The following FAM227A variants were observed in gnomAD, a reference collection of about 807,000 sequenced individuals.
The protein encoded by FAM227A is family with sequence similarity 227 member A.
Under a neutral mutation model 74.7 loss-of-function variants are expected in FAM227A, and 80 were observed. That is an observed-to-expected ratio of 1.07 (90% CI 0.89 to 1.29). The LOEUF (loss-of-function observed/expected upper bound fraction) is 1.29, where lower values mean the gene tolerates loss of function less well. Ranked by LOEUF, FAM227A falls within the 50% of genes most tolerant of loss-of-function variation. FAM227A has a pLI of 0.00. For missense variants in FAM227A, 654 were observed against 683.4 expected (o/e 0.96, Z 0.48); for synonymous variants, 237 against 241.8 (o/e 0.98, Z 0.19).
rs953719987 is a variant in FAM227A at position 38,621,324 on chromosome 22, T to C, written c.959-1033A>G. On this transcript the variant is annotated intron_variant, in intron 10 of 16. Transcript: ENST00000535113. ...GAGATCACGCCACTGCACTCCAGCC[T>C]GGGTGACACAGAAAGACTCTGTCTC... 5.3e-5 allele frequency among the ~76,000 whole-genome samples: 7 copies of C among 131,538 alleles called. No individual in the cohort carries two copies. In the Admixed American group the frequency reaches 6.3e-4, roughly 12 times the overall value. The allele number at this position is 131,538 out of a possible 152,430, so 86.3% of individuals were successfully genotyped here.
rs1489558483 is a variant in FAM227A at position 38,578,201 on chromosome 22, G to T, written c.*7924C>A. 1.3e-5 allele frequency: 2 copies of T among 152,080 alleles called. No homozygotes were observed. The highest frequency in any genetic ancestry group is 1.3e-4 in the Admixed American group (2 of 15,266). 9.4% of individuals were successfully genotyped at this position (152,080 alleles called of 1,614,324 possible). A position where few individuals can be genotyped will look rare whatever the true frequency, so the allele number is the denominator to read the frequency against. On this transcript the variant is annotated 3_prime_UTR_variant, in exon 17 of 17. Coordinates refer to ENST00000535113, the MANE Select transcript of FAM227A (RefSeq NM_001013647.2). ...GACTGGCAGGCAACACAGTACATTT[G>T]TTCACACCAACATCACCACAAACAC...
Position 38,638,742 on chromosome 22 carries a change from T to C in FAM227A, c.372+4A>G. 1 of 1,545,516 alleles carries C rather than the reference T, an allele frequency of 6.5e-7. No homozygotes were observed. The highest frequency in any genetic ancestry group is 8.8e-7 in the Non-Finnish European group (1 of 1,141,714). On this transcript the variant is annotated splice_donor_region_variant and intron_variant, in intron 5 of 16. Transcript: ENST00000535113. Reference sequence around the variant, plus strand: ...AGAAACAGACACAGCAGTAGATCCCTTACCCTTTTTATAACAGAAGATCTG... The same window carrying C: ...AGAAACAGACACAGCAGTAGATCCCCTACCCTTTTTATAACAGAAGATCTG...
intron 11 of FAM227A, among the ~76,000 whole-genome samples, chr22:38,615,358 AAAC>A (rs1347076910): frequency 6.6e-6 from 1 of 152,216 alleles, no homozygotes; most frequent in Non-Finnish European, 1.5e-5. Context: ...GACAAACTCT[AAAC>A]AACACATCAA....
rs993900599 is a variant in FAM227A at position 38,579,812 on chromosome 22, T to A, written c.*6313A>T. 6.6e-6 allele frequency: 1 copy of A among 152,208 alleles called. No individual in the cohort carries two copies. Among genetic ancestry groups the A allele is most frequent in the African/African-American group, 2.4e-5 (1 of 41,452 alleles). The allele number at this position is 152,208 out of a possible 1,614,324, so 9.4% of individuals were successfully genotyped here. On this transcript the variant is annotated 3_prime_UTR_variant, in exon 17 of 17. Coordinates refer to ENST00000535113, the MANE Select transcript of FAM227A (RefSeq NM_001013647.2). ...AATGCTATTATCACGCCTAGAATAA[T>A]TTTATATATAAAATATTTAAGATTC... is the stretch of plus-strand genomic sequence containing the variant.
rs757940046 is a variant in FAM227A at position 38,645,575 on chromosome 22, C to T, written c.213G>A (p.Ser71=). The T allele has an allele frequency of 1.2e-5, 18 of 1,551,078 alleles. No individual in the cohort carries two copies. Among genetic ancestry groups the T allele is most frequent in the Admixed American group, 9.8e-5 (5 of 50,912 alleles). The change falls in exon 3 of 17, where the codon TCG becomes TCA. Residue 71 remains serine, a synonymous_variant. Coordinates refer to ENST00000535113, the MANE Select transcript of FAM227A (RefSeq NM_001013647.2). ...ATAGGTAACTCACCAGGCTGTTGGC[C>T]GACGGCTCGGTACGCAGATTTATGT... is the stretch of plus-strand genomic sequence containing the variant. ...IADINLRTEP[S]ANSLAIERFE...
intron 8 of FAM227A, among the ~76,000 whole-genome samples, chr22:38,627,714 T>C (rs1569221857): frequency 6.6e-6 from 1 of 152,038 alleles, no homozygotes; most frequent in Non-Finnish European, 1.5e-5. Flanking sequence ...ATGTGAACCC[T>C]GCCTCAGCCT....
chr22:38,591,026 G>A (rs940497074), intron 16 of FAM227A, among the ~76,000 whole-genome samples: 3 of 152,070 alleles, frequency 2.0e-5, no homozygotes, highest in Admixed American at 1.3e-4. Context: ...CTCATGATCC[G>A]CCCACCTCGG....
intron 2 of FAM227A, among the ~76,000 whole-genome samples, chr22:38,648,114 G>A (rs1001542558): frequency 1.3e-5 from 2 of 152,060 alleles, no homozygotes; most frequent in African/African-American, 2.4e-5. Context: ...TTTACTGGAC[G>A]AGCTGTAAGG....
Position 38,582,857 on chromosome 22 carries a change from C to T in FAM227A, c.*3268G>A. The T allele has an allele frequency of 6.5e-7, 1 of 1,550,300 alleles. No individual in the cohort carries two copies. Among genetic ancestry groups the T allele is most frequent in the Non-Finnish European group, 8.7e-7 (1 of 1,146,958 alleles). Reference sequence around the variant, plus strand: ...AGCATAATGCAGTGGAGCACTTGTGCCTACCTTGCTCCTGGTATATTAGGG... The same window carrying T: ...AGCATAATGCAGTGGAGCACTTGTGTCTACCTTGCTCCTGGTATATTAGGG... On this transcript the variant is annotated 3_prime_UTR_variant, in exon 17 of 17. Transcript: ENST00000535113.
chr22:38,613,183 A>G (rs1467446110), intron 11 of FAM227A, among the ~76,000 whole-genome samples: 3 of 78,438 alleles, frequency 3.8e-5, no homozygotes, highest in Non-Finnish European at 6.5e-5. Context: ...TATATTATAT[A>G]TAATATATAT....
Position 38,639,742 on chromosome 22 carries a change from AAG to A in FAM227A, c.226-20_226-19del. On this transcript the variant is annotated intron_variant, in intron 3 of 16. Coordinates refer to ENST00000535113, the MANE Select transcript of FAM227A (RefSeq NM_001013647.2). The stretch of plus-strand genomic sequence containing the variant: ...TCAATTGCCTTCAAAAACCAAGAAA[AAG>A]GGGGGCATTAGGGATTAATGCAAAT... The A allele has an allele frequency of 6.7e-7, 1 of 1,501,080 alleles. No individual in the cohort carries two copies. The highest frequency in any genetic ancestry group is 1.4e-5 in the African/African-American group (1 of 72,084). The allele number at this position is 1,501,080 out of a possible 1,614,324, so 93.0% of individuals were successfully genotyped here.
At chr22:38,636,885 C>T (rs530911068) in intron 5 of FAM227A, among the ~76,000 whole-genome samples, 5 of 151,524 alleles carry the variant, frequency 3.3e-5, no homozygotes, top group African/African-American at 7.3e-5. Context: ...ATTCTCCTGC[C>T]TCAGCCTCCT....
At chr22:38,620,382 G>T in intron 10 of FAM227A, 91 bp from the exon 11 acceptor site, 1 of 979,908 alleles carries the variant, frequency 1.0e-6, no homozygotes, top group Non-Finnish European at 1.6e-6. Flanking sequence ...CCTTTCTGGA[G>T]ACAGTGACAC....
At chr22:38,618,993 T>C (rs995879628) in intron 11 of FAM227A, among the ~76,000 whole-genome samples, 10 of 151,672 alleles carry the variant, frequency 6.6e-5, no homozygotes, top group Admixed American at 3.9e-4. Context: ...AAAAAGCCTT[T>C]ATTTGTGGCA....
intron 6 of FAM227A, among the ~76,000 whole-genome samples, chr22:38,630,295 C>T (rs1158761463): frequency 6.6e-6 from 1 of 152,256 alleles, no homozygotes; most frequent in Non-Finnish European, 1.5e-5. Flanking sequence ...CTCATCCACT[C>T]GTAAGGAGCT....
intron 16 of FAM227A, 124 bp from the exon 17 acceptor site, chr22:38,586,323 G>A (rs898307341): frequency 2.5e-5 from 26 of 1,058,040 alleles, no homozygotes; most frequent in South Asian, 1.1e-4. Context: ...TATTGAGGGC[G>A]TGCTCCTGCC....
intron 3 of FAM227A, among the ~76,000 whole-genome samples, chr22:38,645,221 C>A (rs892838140): frequency 3.9e-4 from 59 of 151,408 alleles, no homozygotes; most frequent in African/African-American, 1.4e-3. Flanking sequence ...GAAACCCCGT[C>A]TCTACTAAAA....
chr22:38,582,768 G>A lies in FAM227A; in HGVS notation c.*3357C>T. On this transcript the variant is annotated 3_prime_UTR_variant, in exon 17 of 17. Coordinates refer to ENST00000535113, the MANE Select transcript of FAM227A (RefSeq NM_001013647.2). ...GGCTAATAGTAGCGGTGGATAGGTA[G>A]ACAGGCAATTCCAATCTACTATGGT... is the stretch of plus-strand genomic sequence containing the variant. 1.3e-6 allele frequency: 2 copies of A among 1,499,358 alleles called. No individual in the cohort carries two copies. Among genetic ancestry groups the A allele is most frequent in the Admixed American group, 4.0e-5 (2 of 50,566 alleles). The allele number at this position is 1,499,358 out of a possible 1,614,324, so 92.9% of individuals were successfully genotyped here.
Position 38,583,399 on chromosome 22 carries a change from TC to T in FAM227A, c.*2725del, listed in dbSNP as rs2090743513. On this transcript the variant is annotated 3_prime_UTR_variant, in exon 17 of 17. Transcript: ENST00000535113. ...CACGTTGGCCAGGCTGGTCTCAAACTCCTGACCTCAGGCGATCCACCTGCCT... is the reference window on the plus strand; with the variant it reads ...CACGTTGGCCAGGCTGGTCTCAAACTCTGACCTCAGGCGATCCACCTGCCT... 6.1e-6 allele frequency: 1 copy of T among 163,760 alleles called. No homozygotes were observed. Among genetic ancestry groups the T allele is most frequent in the African/African-American group, 2.4e-5 (1 of 41,488 alleles). 10.1% of individuals were successfully genotyped at this position (163,760 alleles called of 1,614,324 possible).
Sources: gnomAD v4.1 joint callset for allele counts (sites outside exome capture counted in the v4.1 genomes callset) on GRCh38, gnomAD v4.1.1 for gene constraint, MANE v1.5 for transcripts, NCBI Gene and HGNC (gene_info 2026-07-23, HGNC 2026-07-21) for gene names.